SCAMP1: variants seen among roughly 807,000 people sequenced by gnomAD.
SCAMP1 encodes secretory carrier-associated membrane protein 1.
SCAMP1 carries 15 observed loss-of-function variants against 41.8 expected under a neutral mutation model. The ratio of observed to expected loss-of-function variants is 0.36; its 90% CI spans 0.24 to 0.55. SCAMP1 has a LOEUF of 0.55. Among genes scored for constraint, SCAMP1 ranks in the 20% least tolerant of loss-of-function variants. SCAMP1 has a pLI of 0.86. For synonymous variants in SCAMP1, 135 were observed against 136.8 expected, an observed-to-expected ratio of 0.99 and a Z score of 0.09; for missense variants, 341 against 412.6, an observed-to-expected ratio of 0.83 and a Z score of 1.50.
intron 7 of SCAMP1, among the ~76,000 whole-genome samples, chr5:78,451,209 G>C (rs1753217343): frequency 6.6e-6 from 1 of 152,140 alleles, no homozygotes; most frequent in South Asian, 2.1e-4. Context: ...GAATTGACCT[G>C]TTTTAAGATA....
intron 1 of SCAMP1, among the ~76,000 whole-genome samples, chr5:78,387,573 T>G (rs1234706448): frequency 6.6e-6 from 1 of 152,130 alleles, no homozygotes; most frequent in African/African-American, 2.4e-5. Context: ...TGTTTCTTCT[T>G]ATTTGGGTAG....
intron 6 of SCAMP1, among the ~76,000 whole-genome samples, chr5:78,431,324 C>T (rs1429122558): frequency 6.7e-6 from 1 of 149,944 alleles, no homozygotes; most frequent in Non-Finnish European, 1.5e-5. Context: ...AATGCTTTTG[C>T]AGACGCAACT....
In SCAMP1 at chr5:78,415,633, G is replaced by GTTGTATAAATTCATATTGGCCA; in HGVS notation, c.234+18_234+39dup. The GTTGTATAAATTCATATTGGCCA allele has an allele frequency of 1.3e-6, 2 of 1,493,352 alleles. No homozygotes were observed. 92.5% of individuals were successfully genotyped at this position (1,493,352 alleles called of 1,614,324 possible). A position where few individuals can be genotyped will look rare whatever the true frequency, so the allele number is the denominator to read the frequency against. ...AGATTGCAAAGGTTAGTTCATGTTA[G>GTTGTATAAATTCATATTGGCCA]TTGTATAAATTCATATTGGCCATTA... On this transcript the variant is annotated intron_variant, in intron 3 of 8. Transcript: ENST00000621999.
At chr5:78,438,618 A>C (rs1334669330) in intron 6 of SCAMP1, among the ~76,000 whole-genome samples, 1 of 152,152 alleles carries the variant, frequency 6.6e-6, no homozygotes. Flanking sequence ...TTTGCTGAGG[A>C]GTGCTTTACT....
chr5:78,460,828 G>A (rs1477291191), intron 8 of SCAMP1, among the ~76,000 whole-genome samples: 1 of 16,424 alleles, frequency 6.1e-5, no homozygotes, highest in African/African-American at 1.9e-4. Flanking sequence ...TTCCTTTCTT[G>A]TCTTTCCTCT....
Position 78,391,181 on chromosome 5 carries a change from C to T in SCAMP1, c.135+2267C>T, listed in dbSNP as rs560361719. Among the ~76,000 whole-genome samples, 57 of 152,104 alleles carry T rather than the reference C, an allele frequency of 3.7e-4. No individual in the cohort carries two copies. The South Asian group carries it at 4.4e-3, about 12-fold the overall frequency. On this transcript the variant is annotated intron_variant, in intron 2 of 8. Transcript: ENST00000621999. ...TGAGCTGTTGGGTACACCTCCCAGA[C>T]GGGGTGGTGGCCGGGCAGAGGGGCT...
At chr5:78,369,108 A>T (rs371633563) in intron 1 of SCAMP1, among the ~76,000 whole-genome samples, 4 of 141,844 alleles carry the variant, frequency 2.8e-5, no homozygotes, top group African/African-American at 1.0e-4. Context: ...AGGACACACA[A>T]TTTTTTTTTT....
At chr5:78,449,511 G>A (rs1753163087) in intron 6 of SCAMP1, among the ~76,000 whole-genome samples, 1 of 152,044 alleles carries the variant, frequency 6.6e-6, no homozygotes. Flanking sequence ...GAAACTTTGG[G>A]GATATGCTCA....
At chr5:78,363,125 C>G (rs1383283409) in intron 1 of SCAMP1, among the ~76,000 whole-genome samples, 4 of 151,708 alleles carry the variant, frequency 2.6e-5, no homozygotes, top group Non-Finnish European at 4.4e-5. Flanking sequence ...AACTCCTGAC[C>G]TCGTGATCCA....
At chr5:78,456,324 G>A (rs901723934) in intron 7 of SCAMP1, among the ~76,000 whole-genome samples, 41 of 151,844 alleles carry the variant, frequency 2.7e-4, no homozygotes, top group African/African-American at 7.3e-4. Context: ...GGCTGGTACC[G>A]GTTGTTCTTT....
At chr5:78,441,771 A>G (rs1247450340) in intron 6 of SCAMP1, among the ~76,000 whole-genome samples, 3 of 152,204 alleles carry the variant, frequency 2.0e-5, no homozygotes, top group South Asian at 4.1e-4. Flanking sequence ...GAGTGAGCCA[A>G]GATCAGTGAG....
At chr5:78,363,661 C>G (rs1750720554) in intron 1 of SCAMP1, among the ~76,000 whole-genome samples, 1 of 151,992 alleles carries the variant, frequency 6.6e-6, no homozygotes, top group Non-Finnish European at 1.5e-5. Flanking sequence ...CATTTCTTTT[C>G]CTTCACTTTT....
chr5:78,430,197 C>CTGT (rs1752577949), intron 6 of SCAMP1, among the ~76,000 whole-genome samples: 1 of 12,742 alleles, frequency 7.8e-5, no homozygotes, highest in African/African-American at 2.0e-4. Context: ...TTTATAAATA[C>CTGT]AGTATTTATT....
rs767088868 is a variant in SCAMP1 at position 78,418,818 on chromosome 5, C to T, written c.387C>T (p.Val129=). The stretch of plus-strand genomic sequence containing the variant: ...CACCTCTTCCTAGCAATTTTCCTGT[C>T]GGACCTTGTTTCTATCAGGATTTTT... ...NWPPLPSNFP[V]GPCFYQDFSV... The change falls in exon 5 of 9, where the codon GTC becomes GTT. Residue 129 remains valine, a synonymous_variant. Transcript: ENST00000621999. The T allele has an allele frequency of 9.5e-6, 15 of 1,573,286 alleles. No homozygotes were observed. Among genetic ancestry groups the T allele is most frequent in the Admixed American group, 1.8e-5 (1 of 54,160 alleles).
intron 7 of SCAMP1, among the ~76,000 whole-genome samples, chr5:78,454,451 T>G (rs2112218342): frequency 6.6e-6 from 1 of 151,638 alleles, no homozygotes; most frequent in South Asian, 2.1e-4. Context: ...CATGTGGTTT[T>G]TGTCTTTGGC....
intron 1 of SCAMP1, among the ~76,000 whole-genome samples, chr5:78,376,103 GCAT>G (rs1219603387): frequency 9.9e-5 from 15 of 152,080 alleles, no homozygotes. Flanking sequence ...GCTCAGGGGG[GCAT>G]CACGGTCCTA....
intron 6 of SCAMP1, among the ~76,000 whole-genome samples, chr5:78,424,729 G>T (rs542090991): frequency 1.3e-5 from 2 of 152,132 alleles, no homozygotes; most frequent in African/African-American, 4.8e-5. Context: ...CAAAAAAAAA[G>T]AAGAAAAACA....
intron 2 of SCAMP1, among the ~76,000 whole-genome samples, chr5:78,398,644 A>G (rs6885047): frequency 0.45 from 66,200 of 145,682 alleles, 15,578 homozygotes; most frequent in Non-Finnish European, 0.5. Flanking sequence ...CCTGGGTTCA[A>G]GTGATTCTCC....
At chr5:78,469,938 A>AAAAAAAAAAAAAAAAAAAAAAAAAAG (rs1330437108) in intron 8 of SCAMP1, among the ~76,000 whole-genome samples, 1 of 84,198 alleles carries the variant, frequency 1.2e-5, no homozygotes, top group Non-Finnish European at 2.3e-5. Flanking sequence ...AAAAACAACA[A>AAAAAAAAAAAAAAAAAAAAAAAAAAG]CACAGCCCAG....
Sources: allele counts gnomAD v4.1 joint callset (sites outside exome capture counted in the v4.1 genomes callset), GRCh38; gene constraint gnomAD v4.1.1; transcripts MANE v1.5; gene names NCBI Gene and HGNC (gene_info 2026-07-23, HGNC 2026-07-21).